The following TLN2 variants were observed in gnomAD, a reference collection of about 807,000 sequenced individuals.
TLN2 encodes talin-2.
Under a neutral mutation model 294.7 loss-of-function variants are expected in TLN2, and 118 were observed. That is an observed-to-expected ratio of 0.40 (90% confidence interval 0.34 to 0.47). TLN2 has a LOEUF of 0.47. Among genes scored for constraint, TLN2 ranks in the 20% least tolerant of loss-of-function variants. TLN2 has a pLI of 0.84. For synonymous variants in TLN2, 1,431 were observed against 1,304.5 expected (o/e 1.10, Z -2.09); for missense variants, 3,083 against 3,282.2 (o/e 0.94, Z 1.48).
At chr15:62,704,488 T>A (rs1490931079) in intron 19 of TLN2, among the ~76,000 whole-genome samples, 1 of 152,256 alleles carries the variant, frequency 6.6e-6, no homozygotes, top group African/African-American at 2.4e-5. Context: ...GATGGGATCA[T>A]GTATGTTGTG....
At chr15:62,820,819 A>G (rs2141206140) in intron 54 of TLN2, among the ~76,000 whole-genome samples, 1 of 152,324 alleles carries the variant, frequency 6.6e-6, no homozygotes, top group East Asian at 1.9e-4. Flanking sequence ...CCACCCAGAA[A>G]AATTCCTCTG....
At chr15:62,713,914 ATGC>A (rs1307538957) in intron 22 of TLN2, among the ~76,000 whole-genome samples, 6,715 of 109,240 alleles carry the variant, frequency 0.061, 291 homozygotes, top group East Asian at 0.17. Flanking sequence ...ATATATATAT[ATGC>A]TGTGTGTGTG....
At chr15:62,785,393 G>A (rs1267337832) in intron 45 of TLN2, among the ~76,000 whole-genome samples, 3 of 152,214 alleles carry the variant, frequency 2.0e-5, no homozygotes, top group Non-Finnish European at 2.9e-5. Context: ...TGGGCTGGGC[G>A]TGATGGCTCA....
intron 11 of TLN2, among the ~76,000 whole-genome samples, chr15:62,679,414 A>G (rs922996431): frequency 6.9e-6 from 1 of 145,842 alleles, no homozygotes; most frequent in African/African-American, 2.4e-5. Flanking sequence ...TATCCTTACA[A>G]TGCAATATCA....
Position 62,658,084 on chromosome 15 carries a change from A to G in TLN2, c.788+186A>G, listed in dbSNP as rs2053412762. 1.1e-5 allele frequency: 5 copies of G among 469,216 alleles called. No individual in the cohort carries two copies. The South Asian group carries it at 1.7e-4, about 16-fold the overall frequency. 29.1% of individuals were successfully genotyped at this position (469,216 alleles called of 1,614,324 possible). On this transcript the variant is annotated intron_variant, in intron 9 of 58. Coordinates refer to ENST00000636159, the MANE Select transcript of TLN2 (RefSeq NM_015059.3). ...TTGGGGAAAGCAAGAGAAATTCAGA[A>G]GTTTCTTTTGCTGAATAGAAATTCA...
chr15:62,537,564 A>G (rs1011858267), intron 1 of TLN2, among the ~76,000 whole-genome samples: 1 of 152,162 alleles, frequency 6.6e-6, no homozygotes, highest in Admixed American at 6.5e-5. Context: ...TATTTTATGG[A>G]TGAAGAAACT....
intron 12 of TLN2, among the ~76,000 whole-genome samples, chr15:62,691,108 A>G (rs1263696676): frequency 6.6e-6 from 1 of 151,326 alleles, no homozygotes; most frequent in Non-Finnish European, 1.5e-5. Flanking sequence ...TTTGGAGTTC[A>G]CTCAGCTTCT....
intron 1 of TLN2, among the ~76,000 whole-genome samples, chr15:62,577,242 G>A (rs1046900684): frequency 2.0e-5 from 3 of 152,142 alleles, no homozygotes; most frequent in Non-Finnish European, 2.9e-5. Context: ...TCGGGCATTC[G>A]AGACCAGCCT....
chr15:62,631,674 C>T (rs1023544266), intron 3 of TLN2, among the ~76,000 whole-genome samples: 12 of 77,532 alleles, frequency 1.5e-4, no homozygotes, highest in Admixed American at 5.9e-4. Context: ...TTTCTCTTTC[C>T]TCCTCTCTTT....
In TLN2 at chr15:62,719,911, T is replaced by C. The variant is rs567892875; in HGVS notation, c.2991+31T>C. On this transcript the variant is annotated intron_variant, in intron 25 of 58. Transcript: ENST00000636159. Reference sequence around the variant, plus strand: ...AGGGCTGTGGTCACCTTGGGCTCACTCAGAGCCCTCTTCTGGGCAGGGGCT... The same window carrying C: ...AGGGCTGTGGTCACCTTGGGCTCACCCAGAGCCCTCTTCTGGGCAGGGGCT... 1.5e-5 allele frequency: 23 copies of C among 1,519,548 alleles called. No individual in the cohort carries two copies. The South Asian group carries it at 2.6e-4, about 17-fold the overall frequency. 94.1% of individuals were successfully genotyped at this position (1,519,548 alleles called of 1,614,324 possible).
intron 1 of TLN2, among the ~76,000 whole-genome samples, chr15:62,581,034 C>T (rs532526133): frequency 6.6e-6 from 1 of 152,170 alleles, no homozygotes; most frequent in South Asian, 2.1e-4. Flanking sequence ...CAGGCGCCCA[C>T]CACCATGCCC....
chr15:62,444,125 G>A (rs1008174137), intron 1 of TLN2, among the ~76,000 whole-genome samples: 6 of 152,358 alleles, frequency 3.9e-5, no homozygotes, highest in African/African-American at 1.2e-4. Context: ...GGGTGGAGCC[G>A]TTTGAACCTA....
At chr15:62,649,562 C>A (rs891303622) in intron 4 of TLN2, among the ~76,000 whole-genome samples, 4 of 152,014 alleles carry the variant, frequency 2.6e-5, no homozygotes, top group Non-Finnish European at 5.9e-5. Flanking sequence ...TGTTGGTGGT[C>A]GGGGTCAGAG....
chr15:62,625,190 A>T (rs897296103), intron 3 of TLN2, among the ~76,000 whole-genome samples: 3 of 152,082 alleles, frequency 2.0e-5, no homozygotes, highest in Admixed American at 6.5e-5. Context: ...GTTCTTCACT[A>T]CTGAATGTGC....
chr15:62,708,473 G>A (rs1048171522), intron 20 of TLN2, 29 bp from the exon 21 acceptor site: 45 of 1,604,890 alleles, frequency 2.8e-5, no homozygotes, highest in Non-Finnish European at 3.5e-5. Context: ...CAACCACAGT[G>A]CCCAAAACCT....
At chr15:62,681,919 A>T (rs1596684604) in intron 11 of TLN2, among the ~76,000 whole-genome samples, 2 of 152,136 alleles carry the variant, frequency 1.3e-5, no homozygotes, top group African/African-American at 4.8e-5. Context: ...CGCCCAGCTA[A>T]TTTATTTTTA....
At chr15:62,746,646 T>G (rs2061628789) in intron 32 of TLN2, among the ~76,000 whole-genome samples, 1 of 152,232 alleles carries the variant, frequency 6.6e-6, no homozygotes, top group Non-Finnish European at 1.5e-5. Flanking sequence ...CAAAGCCAAT[T>G]TAACTAATAA....
intron 1 of TLN2, among the ~76,000 whole-genome samples, chr15:62,404,702 TC>T (rs2033277273): frequency 7.1e-6 from 1 of 140,672 alleles, no homozygotes; most frequent in Middle Eastern, 3.2e-3. Context: ...TGCTGGATCT[TC>T]CAAGGGGGGC....
chr15:62,554,474 T>C (rs969566811), intron 1 of TLN2, among the ~76,000 whole-genome samples: 6 of 151,674 alleles, frequency 4.0e-5, no homozygotes, highest in Non-Finnish European at 7.4e-5. Flanking sequence ...GGGAAAGAGA[T>C]ACTAAAATGT....
Sources: gnomAD v4.1 joint callset for allele counts (sites outside exome capture counted in the v4.1 genomes callset) on GRCh38, gnomAD v4.1.1 for gene constraint, MANE v1.5 for transcripts, NCBI Gene and HGNC (gene_info 2026-07-23, HGNC 2026-07-21) for gene names.